The following CBL variants were observed in gnomAD, a reference collection of about 807,000 sequenced individuals.
CBL encodes the protein E3 ubiquitin-protein ligase CBL.
CBL carries 45 observed loss-of-function variants against 96.9 expected under a neutral mutation model. The observed-to-expected ratio is 0.46, with a 90% CI of 0.37 to 0.60. The LOEUF is 0.60. Ranked by LOEUF, CBL falls within the 20% of genes least tolerant of loss-of-function variation. The pLI, the probability that CBL is intolerant of heterozygous loss-of-function variation, is 0.00. For synonymous variants in CBL, 420 were observed against 426.8 expected (o/e 0.98, Z 0.20); for missense variants, 1,024 against 1,143.5 (o/e 0.90, Z 1.51).
intron 1 of CBL, among the ~76,000 whole-genome samples, chr11:119,226,569 T>A (rs1167012576): frequency 6.6e-6 from 1 of 152,140 alleles, no homozygotes; most frequent in African/African-American, 2.4e-5. Context: ...GCAATTCTCT[T>A]GCCTCAGCCT....
At chr11:119,297,774 T>A (rs1038442963) in intron 14 of CBL, among the ~76,000 whole-genome samples, 2 of 152,196 alleles carry the variant, frequency 1.3e-5, no homozygotes, top group African/African-American at 4.8e-5. Context: ...TTTTCAGTAA[T>A]CTTTGGCAAA....
intron 9 of CBL, among the ~76,000 whole-genome samples, chr11:119,283,769 C>G (rs1949958325): frequency 6.7e-6 from 1 of 150,328 alleles, no homozygotes; most frequent in Non-Finnish European, 1.5e-5. Flanking sequence ...TCCTGAATAG[C>G]TGGGACTACA....
At chr11:119,258,775 C>T (rs1411241614) in intron 2 of CBL, among the ~76,000 whole-genome samples, 1 of 151,890 alleles carries the variant, frequency 6.6e-6, no homozygotes, top group Non-Finnish European at 1.5e-5. Context: ...TTTTTGGTTC[C>T]GTATGAATTT....
Position 119,232,483 on chromosome 11 carries a change from AAAG to A in CBL, c.234_236del (p.Lys78del). 6.2e-7 allele frequency: 1 copy of A among 1,613,984 alleles called. No individual in the cohort carries two copies. The highest frequency in any genetic ancestry group is 8.5e-7 in the Non-Finnish European group (1 of 1,179,924). On this transcript the variant is annotated inframe_deletion, in exon 2 of 16. Transcript: ENST00000264033. ...TGTGTCAGAACCCAAAGCTGGCGCT[AAAG>A]AATAGCCCACCTTATATCTTAGACC...
intron 2 of CBL, among the ~76,000 whole-genome samples, chr11:119,250,281 C>T (rs988313765): frequency 6.6e-5 from 10 of 152,112 alleles, no homozygotes; most frequent in African/African-American, 2.2e-4. Flanking sequence ...CCTCTCTTGT[C>T]CTTGTGTGAG....
In CBL at chr11:119,206,574, A is replaced by G; in HGVS notation, c.157A>G (p.Lys53Glu). The change falls in exon 1 of 16, where the codon AAG becomes GAG. Residue 53 changes from lysine (K) to glutamate (E), a missense_variant. By Grantham distance (56) the Lys-to-Glu change is moderately conservative. Coordinates refer to ENST00000264033, the MANE Select transcript of CBL (RefSeq NM_005188.4). ...CCCCCACCCGCCGGGGACGGTGGAC[A>G]AGAAGATGGTGGAGAAGTGCTGGAA... is the stretch of plus-strand genomic sequence containing the variant. ...LSPHPPGTVD[K>E]KMVEKCWKLM... The G allele has an allele frequency of 1.3e-6, 2 of 1,549,362 alleles. No individual in the cohort carries two copies. Among genetic ancestry groups the G allele is most frequent in the Non-Finnish European group, 1.7e-6 (2 of 1,146,518 alleles).
chr11:119,272,000 T>TACAC, intron 3 of CBL, 119 bp downstream of exon 3: 1 of 888,838 alleles, frequency 1.1e-6, no homozygotes. Flanking sequence ...AATATATGTG[T>TACAC]ATGTATTTCC....
At chr11:119,235,516 A>T (rs1949538641) in intron 2 of CBL, among the ~76,000 whole-genome samples, 1 of 152,184 alleles carries the variant, frequency 6.6e-6, no homozygotes, top group African/African-American at 2.4e-5. Flanking sequence ...CAGGTTGAAT[A>T]GGCTGAGGAG....
At position 119,304,548 on chromosome 11, in the gene CBL, A is replaced by G; in HGVS notation, c.*4767A>G. 4.3e-6 allele frequency: 1 copy of G among 232,976 alleles called. No individual in the cohort carries two copies. 14.4% of individuals were successfully genotyped at this position (232,976 alleles called of 1,614,324 possible). A position where few individuals can be genotyped will look rare whatever the true frequency, so the allele number is the denominator to read the frequency against. Reference sequence around the variant, plus strand: ...CTGCTTATGGTATATGTGGCCCCCAAATAGGCACTCTAGTCCTCAAGTCTA... The same window carrying G: ...CTGCTTATGGTATATGTGGCCCCCAGATAGGCACTCTAGTCCTCAAGTCTA... On this transcript the variant is annotated 3_prime_UTR_variant, in exon 16 of 16. Transcript: ENST00000264033.
chr11:119,279,390 A>G (rs550400536), intron 9 of CBL, among the ~76,000 whole-genome samples: 31 of 152,236 alleles, frequency 2.0e-4, no homozygotes, highest in Admixed American at 3.9e-4. Context: ...GTGCACCTGT[A>G]GTTCTAACTA....
At position 119,299,744 on chromosome 11, in the gene CBL, T is replaced by C; in HGVS notation, c.2684T>C (p.Phe895Ser). The C allele has an allele frequency of 6.2e-7, 1 of 1,614,154 alleles. No homozygotes were observed. Among genetic ancestry groups the C allele is most frequent in the Non-Finnish European group, 8.5e-7 (1 of 1,180,018 alleles). Residue 895 changes from phenylalanine (F) to serine (S), a missense_variant, in exon 16 of 16, where the codon TTT becomes TCT. Physicochemically the swap from Phe to Ser is radical, Grantham distance 155. This residue lies in a region of CBL where 23 missense variants were observed against 42.7 expected (regional missense o/e 0.54). Transcript: ENST00000264033. The stretch of plus-strand genomic sequence containing the variant: ...ATGGCCAAAAACATCCTCCGGGAAT[T>C]TGTTTCCATTTCTTCTCCTGCCCAT... ...IEMAKNILREFVSISSPAHVA... is the reference protein window; with the variant it reads ...IEMAKNILRESVSISSPAHVA...
Position 119,256,291 on chromosome 11 carries a change from A to C in CBL, c.444-15444A>C, listed in dbSNP as rs1445516218. 5.3e-5 allele frequency among the ~76,000 whole-genome samples: 8 copies of C among 151,298 alleles called. No homozygotes were observed. In the East Asian group the frequency reaches 1.6e-3, roughly 30 times the overall value. Reference sequence around the variant, plus strand: ...ACTGCAACCTCCGCCTCCTGGGAGTAATCCCAGCCTCCCGAGTAGCTGGGA... The same window carrying C: ...ACTGCAACCTCCGCCTCCTGGGAGTCATCCCAGCCTCCCGAGTAGCTGGGA... On this transcript the variant is annotated intron_variant, in intron 2 of 15. Transcript: ENST00000264033.
intron 1 of CBL, among the ~76,000 whole-genome samples, chr11:119,231,018 C>G (rs1229822850): frequency 1.3e-5 from 2 of 152,156 alleles, no homozygotes; most frequent in Non-Finnish European, 2.9e-5. Context: ...AATTGCCAGG[C>G]AAATTCTGAG....
chr11:119,245,499 C>A (rs1949620059), intron 2 of CBL, among the ~76,000 whole-genome samples: 1 of 152,084 alleles, frequency 6.6e-6, no homozygotes, highest in African/African-American at 2.4e-5. Context: ...GAGACCGAGG[C>A]AGGTGGATCA....
chr11:119,237,331 T>A (rs941700147), intron 2 of CBL, among the ~76,000 whole-genome samples: 3 of 152,248 alleles, frequency 2.0e-5, no homozygotes, highest in Admixed American at 2.0e-4. Flanking sequence ...ACCAGATACA[T>A]GATTTGCAAA....
intron 12 of CBL, among the ~76,000 whole-genome samples, chr11:119,291,197 G>A (rs1053219772): frequency 1.3e-5 from 2 of 152,112 alleles, no homozygotes; most frequent in Admixed American, 6.6e-5. Flanking sequence ...GGGAGTTTGA[G>A]ACCAGTCTGG....
rs771191932 is a variant in CBL, at chr11:119,302,878, C to T, written c.*3097C>T. On this transcript the variant is annotated 3_prime_UTR_variant, in exon 16 of 16. Coordinates refer to ENST00000264033, the MANE Select transcript of CBL (RefSeq NM_005188.4). ...TCTCTTCCACTTGCTCGTCTCCCCCCAGCCCCATTCTGCATAATCTACCAT... is the reference window on the plus strand; with the variant it reads ...TCTCTTCCACTTGCTCGTCTCCCCCTAGCCCCATTCTGCATAATCTACCAT... 8 of 230,794 alleles carry T rather than the reference C, an allele frequency of 3.5e-5. No individual in the cohort carries two copies. The highest frequency in any genetic ancestry group is 5.1e-5 in the Non-Finnish European group (6 of 116,606). The allele number at this position is 230,794 out of a possible 1,614,324, so 14.3% of individuals were successfully genotyped here.
At chr11:119,252,741 T>A (rs1949679072) in intron 2 of CBL, among the ~76,000 whole-genome samples, 1 of 140,502 alleles carries the variant, frequency 7.1e-6, no homozygotes, top group East Asian at 2.1e-4. Context: ...TAGCTGGGCG[T>A]GGTGGTAGGC....
chr11:119,277,612 AT>A (rs1326091264), intron 6 of CBL, 144 bp from the exon 7 acceptor site: 8,404 of 531,366 alleles, frequency 0.016, no homozygotes, highest in South Asian at 0.019. Context: ...TTTTGGAAGT[AT>A]TTTTTTTTTG....
Sources: allele counts gnomAD v4.1 joint callset (sites outside exome capture counted in the v4.1 genomes callset), GRCh38; gene constraint gnomAD v4.1.1; regional missense constraint gnomAD v4.1.1; transcripts MANE v1.5; gene names NCBI Gene and HGNC (gene_info 2026-07-23, HGNC 2026-07-21).